SEC31A: variants seen among roughly 807,000 people sequenced by gnomAD.
SEC31A encodes SEC31 homolog A, COPII component.
Under a neutral mutation model 151.0 loss-of-function variants are expected in SEC31A, and 70 were observed. That is an observed-to-expected ratio of 0.46 (90% CI 0.38 to 0.57). SEC31A has a LOEUF of 0.57. Ranked by LOEUF, SEC31A falls within the 20% of genes least tolerant of loss-of-function variation. The pLI is 0.00. For synonymous variants in SEC31A, 475 were observed against 505.9 expected (o/e 0.94, Z 0.82); for missense variants, 1,330 against 1,471.2 (o/e 0.90, Z 1.57).
At position 82,881,872 on chromosome 4, in the gene SEC31A, A is replaced by C. The variant is rs759539296; in HGVS notation, c.65T>G (p.Ile22Ser). 1.2e-6 allele frequency: 2 copies of C among 1,613,824 alleles called. No homozygotes were observed. Among genetic ancestry groups the C allele is most frequent in the Non-Finnish European group, 1.7e-6 (2 of 1,179,658 alleles). Residue 22 changes from isoleucine to serine, a missense_variant, in exon 2 of 27, where the codon ATT becomes AGT. Ile to Ser is a moderately radical substitution (Grantham distance 142). Coordinates refer to ENST00000395310, the MANE Select transcript of SEC31A (RefSeq NM_001077207.4). ...QAWSPAQNHPIYLATGTSAQQ... is the reference protein window; with the variant it reads ...QAWSPAQNHPSYLATGTSAQQ... Reference sequence around the variant, plus strand: ...TTTGAACTTACCTGTTGCTAGGTAAATGGGGTGATTCTGGGCAGGGCTCCA... The same window carrying C: ...TTTGAACTTACCTGTTGCTAGGTAACTGGGGTGATTCTGGGCAGGGCTCCA...
At chr4:82,865,583 T>TATATATATATATAC (rs1560638362) in intron 10 of SEC31A, among the ~76,000 whole-genome samples, 2 of 99,692 alleles carry the variant, frequency 2.0e-5, no homozygotes, top group South Asian at 3.2e-4. Context: ...TATATATATA[T>TATATATATATATAC]ACAATGCAAT....
intron 25 of SEC31A, chr4:82,821,551 A>C (rs1307121428): frequency 6.7e-6 from 1 of 150,344 alleles, no homozygotes; most frequent in African/African-American, 2.4e-5. Context: ...TCCGTCTCAA[A>C]AAAAAAAAAA....
upstream of SEC31A, chr4:82,891,283 C>G: frequency 9.0e-7 from 1 of 1,116,902 alleles, no homozygotes; most frequent in Non-Finnish European, 1.3e-6. Flanking sequence ...CGACGCACAG[C>G]CCGCCACGGC....
intron 1 of SEC31A, among the ~76,000 whole-genome samples, chr4:82,887,499 G>A (rs960987202): frequency 2.0e-5 from 3 of 152,152 alleles, no homozygotes; most frequent in African/African-American, 4.8e-5. Flanking sequence ...AAGAGCATGG[G>A]GTCTAGGGCA....
At chr4:82,867,101 C>T in intron 9 of SEC31A, 54 bp downstream of exon 9, 3 of 1,563,442 alleles carry the variant, frequency 1.9e-6, no homozygotes, top group Non-Finnish European at 1.8e-6. Context: ...AAATATTACA[C>T]AACACATACT....
chr4:82,837,176 TATATATATATATATATATATATA>T (rs1477180229), intron 22 of SEC31A, among the ~76,000 whole-genome samples: 1,143 of 51,292 alleles, frequency 0.022, 58 homozygotes, highest in Middle Eastern at 0.12. Context: ...TATATATATA[TATATATATATATATATATATATA>T]ATTTCACCAC....
chr4:82,850,439 C>T (rs1560615382), intron 19 of SEC31A, among the ~76,000 whole-genome samples: 1 of 152,046 alleles, frequency 6.6e-6, no homozygotes, highest in Non-Finnish European at 1.5e-5. Flanking sequence ...GAGAGTCCTA[C>T]CTCCATAGTC....
At chr4:82,863,452 T>A (rs1055203807) in intron 11 of SEC31A, 60 bp from the exon 12 acceptor site, 5 of 879,026 alleles carry the variant, frequency 5.7e-6, no homozygotes, top group African/African-American at 5.2e-5. Flanking sequence ...CGAATTTTTA[T>A]AAGAATGAAT....
At chr4:82,893,621 G>A (rs2126003186), upstream of SEC31A, 1 of 152,216 alleles carries the variant, frequency 6.6e-6, no homozygotes, top group South Asian at 2.1e-4. Context: ...CAACTTGTTT[G>A]TATATATTTA....
At position 82,851,463 on chromosome 4, in the gene SEC31A, C is replaced by T. The variant is rs765948353; in HGVS notation, c.2296G>A (p.Ala766Thr). The T allele has an allele frequency of 4.3e-6, 7 of 1,612,694 alleles. No individual in the cohort carries two copies. Among genetic ancestry groups the T allele is most frequent in the Non-Finnish European group, 5.9e-6 (7 of 1,179,486 alleles). ...GTGTTGTCAGGAAGAAAAGCCAAGG[C>T]TGCAGCAATACTGCCCTGAGCTGCC... ...LLAAQGSIAA[A>T]LAFLPDNTNQ... The change falls in exon 19 of 27, where the codon GCC becomes ACC. Residue 766 changes from alanine to threonine, a missense_variant. Ala to Thr is a moderately conservative substitution (Grantham distance 58). Coordinates refer to ENST00000395310, the MANE Select transcript of SEC31A (RefSeq NM_001077207.4).
At chr4:82,882,421 A>G (rs1739597040) in intron 1 of SEC31A, among the ~76,000 whole-genome samples, 3 of 117,894 alleles carry the variant, frequency 2.5e-5, no homozygotes, top group Non-Finnish European at 6.2e-5. Flanking sequence ...AAAAAAAAAA[A>G]AAAAAAAAAA....
chr4:82,878,494 AAAAAAC>A (rs1186456182), intron 4 of SEC31A, among the ~76,000 whole-genome samples: 12 of 152,152 alleles, frequency 7.9e-5, no homozygotes, highest in East Asian at 1.9e-4. Context: ...CTCCGTCTCA[AAAAAAC>A]AAAAACAAAA....
chr4:82,839,064 G>C (rs939947590), intron 22 of SEC31A, among the ~76,000 whole-genome samples: 1 of 152,194 alleles, frequency 6.6e-6, no homozygotes, highest in Non-Finnish European at 1.5e-5. Flanking sequence ...TGCAACCTCT[G>C]CTCCGGAGTT....
At chr4:82,851,397 C>T (rs1316865175) in intron 19 of SEC31A, 34 bp downstream of exon 19, 1 of 1,577,966 alleles carries the variant, frequency 6.3e-7, no homozygotes, top group Non-Finnish European at 8.7e-7. Flanking sequence ...ACTCACCTTA[C>T]TCAAACATTA....
chr4:82,864,270 T>C (rs897664446), intron 11 of SEC31A, 92 bp downstream of exon 11: 6 of 897,412 alleles, frequency 6.7e-6, no homozygotes, highest in Non-Finnish European at 1.0e-5. Flanking sequence ...ACTTTTTCAA[T>C]TGTTTCTTTA....
intron 6 of SEC31A, among the ~76,000 whole-genome samples, chr4:82,873,997 G>C (rs989010955): frequency 2.6e-5 from 4 of 152,042 alleles, no homozygotes; most frequent in Non-Finnish European, 5.9e-5. Flanking sequence ...AGTTAAAGAT[G>C]AATTAAAAAG....
chr4:82,833,452 C>T lies in SEC31A; in HGVS notation c.2969-4394G>A, dbSNP rs574531463. Among the ~76,000 whole-genome samples the T allele has an allele frequency of 2.7e-4, 41 of 151,226 alleles. 1 individual carries two copies. The South Asian group carries it at 7.5e-3, about 28-fold the overall frequency. On this transcript the variant is annotated intron_variant, in intron 22 of 26. Transcript: ENST00000395310. ...TAGGATAAATACCTAATGTAGGTGA[C>T]GGGTTGATGGGTGCAGCAAACCACC...
chr4:82,854,286 G>A (rs1040412373), intron 17 of SEC31A, among the ~76,000 whole-genome samples: 9 of 151,094 alleles, frequency 6.0e-5, no homozygotes, highest in Non-Finnish European at 1.3e-4. Context: ...TCACTTGAAC[G>A]CAGGGGGTGG....
chr4:82,871,456 A>G (rs1396447199), intron 7 of SEC31A: 4 of 1,351,118 alleles, frequency 3.0e-6, no homozygotes, highest in Non-Finnish European at 4.1e-6. Context: ...AACAAAACCA[A>G]TTTTACCATA....
Sources: gnomAD v4.1 joint callset for allele counts (sites outside exome capture counted in the v4.1 genomes callset) on GRCh38, gnomAD v4.1.1 for gene constraint, MANE v1.5 for transcripts, NCBI Gene and HGNC (gene_info 2026-07-23, HGNC 2026-07-21) for gene names.